SLC35D2: variants seen among roughly 807,000 people sequenced by gnomAD.
SLC35D2 encodes the protein solute carrier family 35 member D2.
Under a neutral mutation model 41.8 loss-of-function variants are expected in SLC35D2, and 43 were observed. That is an observed-to-expected ratio of 1.03 (90% CI 0.81 to 1.33). SLC35D2 has a LOEUF of 1.33. SLC35D2 is among the 40% of genes most tolerant of loss of function. SLC35D2 has a pLI of 0.00. For synonymous variants in SLC35D2, 150 were observed against 163.9 expected (o/e 0.92, Z 0.65); for missense variants, 380 against 408.4 (o/e 0.93, Z 0.60).
chr9:96,317,836 C>T (rs1183274979), downstream of SLC35D2, among the ~76,000 whole-genome samples: 2 of 143,112 alleles, frequency 1.4e-5, no homozygotes, highest in African/African-American at 5.2e-5. Flanking sequence ...CCAACCTGAC[C>T]AACTGGTGAA....
In SLC35D2 at chr9:96,323,022, CTTT is replaced by C. The variant is rs869071613; in HGVS notation, c.832-945_832-943del. 7.7e-3 allele frequency among the ~76,000 whole-genome samples: 1,021 copies of C among 133,188 alleles called. 11 individuals are homozygous for C. Among genetic ancestry groups the C allele is most frequent in the African/African-American group, 0.026 (956 of 36,154 alleles). The allele number at this position is 133,188 out of a possible 152,430, so 87.4% of individuals were successfully genotyped here. A position where few individuals can be genotyped will look rare whatever the true frequency, so the allele number is the denominator to read the frequency against. On this transcript the variant is annotated intron_variant, in intron 10 of 11. Transcript: ENST00000253270. Reference sequence around the variant, plus strand: ...GCATAAGCCACTGTGCCTGGTTTTTCTTTTTTTTTTTTTTTTTCAACCTTGGGC... The same window carrying C: ...GCATAAGCCACTGTGCCTGGTTTTTCTTTTTTTTTTTTTTCAACCTTGGGC...
At position 96,330,504 on chromosome 9, in the gene SLC35D2, A is replaced by G. The variant is rs142961720; in HGVS notation, c.752+6213T>C. On this transcript the variant is annotated intron_variant, in intron 9 of 11. Transcript: ENST00000253270. ...CAAAGAAATTTTGTTATTTAGTTGC[A>G]TCCATCTGATGTGACACAACATGTA... Among the ~76,000 whole-genome samples, 22 of 152,348 alleles carry G rather than the reference A, an allele frequency of 1.4e-4. No individual in the cohort carries two copies. The East Asian group carries it at 4.2e-3, about 29-fold the overall frequency.
intron 2 of SLC35D2, among the ~76,000 whole-genome samples, chr9:96,365,040 C>CAAAAAA (rs59249417): frequency 1.0e-4 from 5 of 49,424 alleles, no homozygotes; most frequent in South Asian, 7.5e-4. Context: ...ACCACTGTCT[C>CAAAAAA]AAAAAAAAAA....
chr9:96,345,646 C>T (rs1011599370), intron 6 of SLC35D2, among the ~76,000 whole-genome samples: 4 of 152,350 alleles, frequency 2.6e-5, no homozygotes, highest in Admixed American at 2.6e-4. Context: ...CTTCCTTCAA[C>T]TGCAACCCCT....
chr9:96,324,390 T>C (rs564019171), intron 9 of SLC35D2, among the ~76,000 whole-genome samples: 2 of 152,310 alleles, frequency 1.3e-5, no homozygotes, highest in South Asian at 4.2e-4. Context: ...ACTTAAGGTA[T>C]CCTTCTCATT....
intron 1 of SLC35D2, among the ~76,000 whole-genome samples, chr9:96,382,478 C>CACACACACAA (rs1336924568): frequency 4.4e-4 from 64 of 144,568 alleles, no homozygotes; most frequent in Middle Eastern, 3.6e-3. Flanking sequence ...CACACACACA[C>CACACACACAA]ACACACACAC....
intron 10 of SLC35D2, 23 bp from the exon 11 acceptor site, chr9:96,322,103 C>A (rs757063545): frequency 4.8e-6 from 7 of 1,459,626 alleles, no homozygotes; most frequent in Non-Finnish European, 5.7e-6. Context: ...AGAGAGGATT[C>A]GTCATTTTAA....
At position 96,343,968 on chromosome 9, in the gene SLC35D2, T is replaced by C. The variant is rs1247809902; in HGVS notation, c.620A>G (p.Tyr207Cys). 3 of 1,601,792 alleles carry C rather than the reference T, an allele frequency of 1.9e-6. No individual in the cohort carries two copies. The highest frequency in any genetic ancestry group is 2.6e-6 in the Non-Finnish European group (3 of 1,175,630). Reference protein sequence around the residue: ...KELGKYGVLFYNACFMIIPTL... With the variant: ...KELGKYGVLFCNACFMIIPTL... The stretch of plus-strand genomic sequence containing the variant: ...TGGGATAATCATGAAGCAGGCATTG[T>C]AGAAAAGTACTCCGTATTTCCCTAG... The change falls in exon 8 of 12, where the codon TAC (tyrosine) becomes TGC (cysteine). Residue 207 changes from tyrosine (Y) to cysteine (C), a missense_variant. Transcript: ENST00000253270.
chr9:96,349,479 G>A (rs1308846387), intron 6 of SLC35D2, among the ~76,000 whole-genome samples: 1 of 152,074 alleles, frequency 6.6e-6, no homozygotes, highest in East Asian at 1.9e-4. Context: ...CCAGGCATGG[G>A]AAGGTAAATC....
At chr9:96,325,688 A>T (rs1428216499) in intron 9 of SLC35D2, among the ~76,000 whole-genome samples, 1 of 152,212 alleles carries the variant, frequency 6.6e-6, no homozygotes, top group African/African-American at 2.4e-5. Flanking sequence ...TTAATTAATT[A>T]ATTAGTCCCA....
chr9:96,362,781 A>T (rs1250485359), intron 3 of SLC35D2, among the ~76,000 whole-genome samples: 1 of 152,010 alleles, frequency 6.6e-6, no homozygotes, highest in Non-Finnish European at 1.5e-5. Context: ...AAGCCCAGTA[A>T]TATTCTGGTT....
intron 2 of SLC35D2, among the ~76,000 whole-genome samples, chr9:96,366,895 G>C (rs558052574): frequency 6.6e-5 from 10 of 151,598 alleles, no homozygotes; most frequent in Admixed American, 5.3e-4. Flanking sequence ...ATGTTGCAAA[G>C]AGGTATTTAT....
intron 10 of SLC35D2, among the ~76,000 whole-genome samples, chr9:96,323,428 T>C (rs1486173127): frequency 6.6e-6 from 1 of 152,140 alleles, no homozygotes. Flanking sequence ...CACTTCTCAG[T>C]GGGCAGGTTC....
At chr9:96,320,464 C>T (rs976378103), downstream of SLC35D2, among the ~76,000 whole-genome samples, 1 of 150,634 alleles carries the variant, frequency 6.6e-6, no homozygotes, top group East Asian at 2.0e-4. Flanking sequence ...TGCAGTGAGC[C>T]GAGATTGCAC....
chr9:96,340,248 G>A, intron 8 of SLC35D2, among the ~76,000 whole-genome samples: 1 of 152,080 alleles, frequency 6.6e-6, no homozygotes. Context: ...TTTATATGGG[G>A]TTGATGGCTT....
intron 6 of SLC35D2, among the ~76,000 whole-genome samples, chr9:96,350,519 T>G (rs891704181): frequency 6.6e-6 from 1 of 151,966 alleles, no homozygotes; most frequent in African/African-American, 2.4e-5. Context: ...AACCCAGGGA[T>G]GTAACTATTC....
In SLC35D2 at chr9:96,320,720, T is replaced by G. The variant is rs1394199884; in HGVS notation, c.*522A>C. 6.6e-6 allele frequency: 1 copy of G among 152,312 alleles called. No homozygotes were observed. Among genetic ancestry groups the G allele is most frequent in the Non-Finnish European group, 1.5e-5 (1 of 68,106 alleles). The allele number at this position is 152,312 out of a possible 1,614,324, so 9.4% of individuals were successfully genotyped here. A position where few individuals can be genotyped will look rare whatever the true frequency, so the allele number is the denominator to read the frequency against. The stretch of plus-strand genomic sequence containing the variant: ...ATGATGAGGCATACATAGAAATGAT[T>G]TTTTATTTACTTTGATGATTAGGGA... On this transcript the variant is annotated 3_prime_UTR_variant, in exon 12 of 12. Transcript: ENST00000253270.
intron 1 of SLC35D2, among the ~76,000 whole-genome samples, chr9:96,371,718 C>CTTTT (rs774105070): frequency 1.4e-4 from 13 of 90,590 alleles, no homozygotes; most frequent in African/African-American, 2.5e-4. Flanking sequence ...AACTAAATTT[C>CTTTT]TTTTTTTTTT....
In SLC35D2 at chr9:96,345,372, T is replaced by C. The variant is rs755225551; in HGVS notation, c.518A>G (p.Tyr173Cys). 7 of 1,608,252 alleles carry C rather than the reference T, an allele frequency of 4.4e-6. No homozygotes were observed. In the African/African-American group the frequency reaches 8.0e-5, roughly 18 times the overall value. ...GATATCATTCAGGAATACAAAAATA[T>C]AGCCTTCTAAGTTAAAAGCAAGGTC... is the stretch of plus-strand genomic sequence containing the variant. ...GSDLAFNLEG[Y>C]IFVFLNDIFT... The change falls in exon 7 of 12, where the codon TAT becomes TGT. Residue 173 changes from tyrosine to cysteine, a missense_variant. Coordinates refer to ENST00000253270, the MANE Select transcript of SLC35D2 (RefSeq NM_007001.3).
Sources: allele counts gnomAD v4.1 joint callset (sites outside exome capture counted in the v4.1 genomes callset), GRCh38; gene constraint gnomAD v4.1.1; transcripts MANE v1.5; gene names NCBI Gene and HGNC (gene_info 2026-07-23, HGNC 2026-07-21).